LYPLAL1: variants seen among roughly 807,000 people sequenced by gnomAD.
LYPLAL1 encodes the protein lysophospholipase like 1, also known as lysophospholipase-like protein 1.
A neutral mutation model predicts 19.7 loss-of-function variants in LYPLAL1; 23 were observed. The ratio of observed to expected loss-of-function variants is 1.17; its 90% CI spans 0.84 to 1.65. LYPLAL1 has a LOEUF of 1.65. Among genes scored for constraint, LYPLAL1 ranks in the 40% most tolerant of loss-of-function variants. The pLI, the probability that LYPLAL1 is intolerant of heterozygous loss-of-function variation, is 0.00. For missense variants in LYPLAL1, 355 were observed against 279.4 expected, an observed-to-expected ratio of 1.27 and a Z score of -1.93; for synonymous variants, 119 against 96.3, an observed-to-expected ratio of 1.24 and a Z score of -1.38.
chr1:219,222,980 T>TA, the LYPLAL1 span: 2 of 152,250 alleles, frequency 1.3e-5, no homozygotes, highest in Non-Finnish European at 1.5e-5. Context: ...CATCATGACT[T>TA]AATCACTTTC....
the LYPLAL1 span, among the ~76,000 whole-genome samples, chr1:219,299,556 A>G: frequency 6.6e-6 from 1 of 152,084 alleles, no homozygotes; most frequent in African/African-American, 2.4e-5. Flanking sequence ...AGATGGGGAA[A>G]GTTCAAATCA....
the LYPLAL1 span, among the ~76,000 whole-genome samples, chr1:219,445,419 C>T: frequency 3.2e-4 from 10 of 30,902 alleles, no homozygotes; most frequent in South Asian, 7.9e-4. Flanking sequence ...GGGGGGGGGG[C>T]GGTGGGGGGA....
At chr1:219,270,411 T>C in the LYPLAL1 span, among the ~76,000 whole-genome samples, 1 of 152,186 alleles carries the variant, frequency 6.6e-6, no homozygotes, top group African/African-American at 2.4e-5. Flanking sequence ...CTGATTTACA[T>C]AGGGCATGAA....
At chr1:219,241,945 T>C in the LYPLAL1 span, among the ~76,000 whole-genome samples, 1 of 152,314 alleles carries the variant, frequency 6.6e-6, no homozygotes, top group Admixed American at 6.5e-5. Context: ...ATTGATTAAA[T>C]AGGATGGATT....
chr1:219,422,761 C>A, the LYPLAL1 span, among the ~76,000 whole-genome samples: 2 of 152,144 alleles, frequency 1.3e-5, no homozygotes, highest in African/African-American at 2.4e-5. Flanking sequence ...AGGCTTTTAA[C>A]TATCTGTGTG....
chr1:219,331,784 A>G, the LYPLAL1 span, among the ~76,000 whole-genome samples: 7 of 152,132 alleles, frequency 4.6e-5, no homozygotes, highest in Non-Finnish European at 7.4e-5. Flanking sequence ...CCGTAACTCA[A>G]GGAGCTGCTA....
chr1:219,316,319 C>A, the LYPLAL1 span, among the ~76,000 whole-genome samples: 1 of 152,012 alleles, frequency 6.6e-6, no homozygotes, highest in Non-Finnish European at 1.5e-5. Flanking sequence ...GTGTATAATA[C>A]TTTTAATATG....
the LYPLAL1 span, among the ~76,000 whole-genome samples, chr1:219,386,288 G>A: frequency 6.6e-6 from 1 of 152,184 alleles, no homozygotes; most frequent in African/African-American, 2.4e-5. Context: ...CTGTAGAGAA[G>A]AGAGGGTTCT....
At chr1:219,376,168 A>G in the LYPLAL1 span, among the ~76,000 whole-genome samples, 1 of 152,210 alleles carries the variant, frequency 6.6e-6, no homozygotes, top group African/African-American at 2.4e-5. Flanking sequence ...GAAATAAAGC[A>G]GAGAGTCCAG....
At chr1:219,427,525 A>G in the LYPLAL1 span, among the ~76,000 whole-genome samples, 2 of 152,264 alleles carry the variant, frequency 1.3e-5, no homozygotes, top group Non-Finnish European at 2.9e-5. Flanking sequence ...CAATTTAAAA[A>G]TATGAAAGTT....
the LYPLAL1 span, among the ~76,000 whole-genome samples, chr1:219,314,847 G>A: frequency 5.9e-5 from 9 of 152,260 alleles, no homozygotes; most frequent in South Asian, 1.9e-3. Flanking sequence ...CTGAGATGAG[G>A]TCTTAGAATC....
the LYPLAL1 span, among the ~76,000 whole-genome samples, chr1:219,399,674 T>C: frequency 2.0e-5 from 3 of 152,078 alleles, no homozygotes; most frequent in Non-Finnish European, 4.4e-5. Context: ...GGAGCTATAA[T>C]GTGGGCCCCC....
At chr1:219,441,116 A>C in the LYPLAL1 span, among the ~76,000 whole-genome samples, 1 of 152,246 alleles carries the variant, frequency 6.6e-6, no homozygotes, top group Non-Finnish European at 1.5e-5. Flanking sequence ...TGTTTAAAAA[A>C]CAAAAGAGTA....
At chr1:219,217,625 C>T (rs1659342303), downstream of LYPLAL1, among the ~76,000 whole-genome samples, 1 of 152,006 alleles carries the variant, frequency 6.6e-6, no homozygotes, top group Non-Finnish European at 1.5e-5. Context: ...CCTCATTCAC[C>T]TTGAGATGGT....
the LYPLAL1 span, among the ~76,000 whole-genome samples, chr1:219,218,663 C>T: frequency 4.6e-5 from 7 of 151,980 alleles, no homozygotes; most frequent in South Asian, 2.1e-4. Context: ...TCAAGACAGC[C>T]GATTCACCAG....
the LYPLAL1 span, among the ~76,000 whole-genome samples, chr1:219,329,744 A>G: frequency 3.2e-4 from 49 of 152,276 alleles, no homozygotes; most frequent in African/African-American, 1.2e-3. Context: ...TTAAGAGGAA[A>G]TGCAATGAAC....
chr1:219,351,233 A>G, the LYPLAL1 span, among the ~76,000 whole-genome samples: 1 of 152,020 alleles, frequency 6.6e-6, no homozygotes. Flanking sequence ...ACTTACACAC[A>G]TATACACTTT....
At chr1:219,283,622 A>G in the LYPLAL1 span, among the ~76,000 whole-genome samples, 1 of 152,236 alleles carries the variant, frequency 6.6e-6, no homozygotes, top group South Asian at 2.1e-4. Flanking sequence ...CATTTTTAAA[A>G]GAGATATCAT....
intron 2 of LYPLAL1, among the ~76,000 whole-genome samples, chr1:219,192,489 A>G (rs1344084419): frequency 6.6e-6 from 1 of 151,630 alleles, no homozygotes; most frequent in Non-Finnish European, 1.5e-5. Flanking sequence ...TTACGTGAGG[A>G]GAAAGCAGGG....
Sources: allele counts gnomAD v4.1 joint callset (sites outside exome capture counted in the v4.1 genomes callset), GRCh38; gene constraint gnomAD v4.1.1; transcripts MANE v1.5; gene names NCBI Gene and HGNC (gene_info 2026-07-23, HGNC 2026-07-21).